The following DTNA variants were observed in gnomAD, a reference collection of about 807,000 sequenced individuals.
The protein encoded by DTNA is dystrobrevin alpha.
Under a neutral mutation model 100.7 loss-of-function variants are expected in DTNA, and 43 were observed. That is an observed-to-expected ratio of 0.43 (90% CI 0.33 to 0.55). DTNA has a LOEUF of 0.55. DTNA is among the 20% of genes least tolerant of loss of function. The probability of loss-of-function intolerance (pLI) is 0.04; values close to 1 mark genes in which losing one functional copy is unlikely to be tolerated. For synonymous variants in DTNA, 349 were observed against 347.9 expected (o/e 1.00, Z -0.04); for missense variants, 798 against 953.9 (o/e 0.84, Z 2.15).
chr18:34,606,564 G>A (rs1356355636), intron 1 of DTNA, among the ~76,000 whole-genome samples: 1 of 152,150 alleles, frequency 6.6e-6, no homozygotes, highest in Non-Finnish European at 1.5e-5. Flanking sequence ...CCAAGTCCCT[G>A]CCTTTGAGGA....
intron 2 of DTNA, among the ~76,000 whole-genome samples, chr18:34,765,707 T>G (rs1390720738): frequency 2.0e-5 from 3 of 152,244 alleles, no homozygotes; most frequent in African/African-American, 7.2e-5. Context: ...GATGACATTG[T>G]GTTTCTTGAT....
intron 1 of DTNA, among the ~76,000 whole-genome samples, chr18:34,682,746 T>TA (rs1487394007): frequency 6.6e-6 from 1 of 152,160 alleles, no homozygotes; most frequent in Non-Finnish European, 1.5e-5. Flanking sequence ...ATATTATGGC[T>TA]AATAATCCTT....
intron 1 of DTNA, among the ~76,000 whole-genome samples, chr18:34,499,336 A>G (rs1601130428): frequency 6.6e-6 from 1 of 152,182 alleles, no homozygotes; most frequent in Admixed American, 6.5e-5. Context: ...TTATTGCTGA[A>G]TAGTATTTTG....
chr18:34,667,826 C>T (rs1226875599), intron 1 of DTNA, among the ~76,000 whole-genome samples: 1 of 152,074 alleles, frequency 6.6e-6, no homozygotes, highest in African/African-American at 2.4e-5. Flanking sequence ...TTTGGTTTGC[C>T]AGTATTTTAT....
intron 3 of DTNA, chr18:34,767,626 A>C (rs2148516797): frequency 6.6e-6 from 1 of 152,332 alleles, no homozygotes; most frequent in South Asian, 2.1e-4. Flanking sequence ...CAGAGTCTCA[A>C]GATGGTGCAG....
At chr18:34,850,238 T>G (rs2096456242) in intron 14 of DTNA, among the ~76,000 whole-genome samples, 2 of 152,200 alleles carry the variant, frequency 1.3e-5, no homozygotes, top group South Asian at 4.1e-4. Flanking sequence ...TCCTGATCAA[T>G]TAATATACAT....
chr18:34,867,733 G>C (rs1457522549), intron 17 of DTNA: 20 of 985,416 alleles, frequency 2.0e-5, no homozygotes, highest in Middle Eastern at 5.2e-4. Context: ...GGCTCCTATG[G>C]ACCAGGAAGT....
At chr18:34,623,408 C>G (rs530261108) in intron 1 of DTNA, among the ~76,000 whole-genome samples, 2 of 152,118 alleles carry the variant, frequency 1.3e-5, no homozygotes, top group Non-Finnish European at 2.9e-5. Context: ...ATAGAAGTAC[C>G]TTTTCTAATA....
chr18:34,514,070 A>G (rs2041352852), intron 1 of DTNA: 3 of 152,062 alleles, frequency 2.0e-5, no homozygotes, highest in South Asian at 2.1e-4. Flanking sequence ...GTCAGAATTC[A>G]CTCCACAGTG....
At chr18:34,753,371 T>A (rs112305426) in intron 1 of DTNA, among the ~76,000 whole-genome samples, 4,263 of 101,014 alleles carry the variant, frequency 0.042, 149 homozygotes, top group Non-Finnish European at 0.06. Context: ...ATTTTATTTT[T>A]TTTTTTTTTT....
At chr18:34,671,739 C>G (rs190155683) in intron 1 of DTNA, among the ~76,000 whole-genome samples, 16 of 152,048 alleles carry the variant, frequency 1.1e-4, no homozygotes, top group Admixed American at 7.2e-4. Context: ...AGGTTTTATC[C>G]TTTCTTCCTT....
chr18:34,767,612 TC>T (rs1339864303), intron 3 of DTNA: 1 of 152,188 alleles, frequency 6.6e-6, no homozygotes, highest in African/African-American at 2.4e-5. Context: ...AGTGGGACTC[TC>T]TGCAGAGTCT....
intron 1 of DTNA, among the ~76,000 whole-genome samples, chr18:34,665,431 T>A (rs2075780557): frequency 6.6e-6 from 1 of 152,272 alleles, no homozygotes; most frequent in African/African-American, 2.4e-5. Flanking sequence ...ATATATATAT[T>A]TTTTATTACA....
At chr18:34,887,737 A>C in intron 22 of DTNA, 29 bp from the exon 23 acceptor site, 3 of 985,058 alleles carry the variant, frequency 3.0e-6, no homozygotes, top group Non-Finnish European at 3.6e-6. Context: ...TTGCATCTTT[A>C]AAAAAAATTA....
In DTNA at chr18:34,882,157, A is replaced by T. The variant is rs1273298767; in HGVS notation, c.2251A>T (p.Met751Leu). 2.5e-6 allele frequency: 4 copies of T among 1,613,936 alleles called. No homozygotes were observed. The African/African-American group carries it at 5.3e-5, about 22-fold the overall frequency. ...SVRQLENELQ[M>L]EEYLKQKLQD... ...CCGGCAGCTGGAGAATGAGCTCCAG[A>T]TGGAGGAATACCTGAAACAGAAGCT... is the stretch of plus-strand genomic sequence containing the variant. The change falls in exon 21 of 23, where the codon ATG (methionine) becomes TTG (leucine). Residue 751 changes from methionine (M) to leucine (L), a missense_variant. Around this residue, in one of 6 missense-constraint regions of DTNA, gnomAD observed 242 missense variants for 238.2 expected, o/e 1.02. Transcript: ENST00000444659.
At chr18:34,793,889 A>G in intron 3 of DTNA, 148 bp from the exon 4 acceptor site, 1 of 763,142 alleles carries the variant, frequency 1.3e-6, no homozygotes, top group Non-Finnish European at 2.2e-6. Flanking sequence ...GATAATGCAC[A>G]GCCTATGTTC....
intron 1 of DTNA, among the ~76,000 whole-genome samples, chr18:34,749,946 G>GA (rs2092145664): frequency 6.6e-6 from 1 of 152,094 alleles, no homozygotes; most frequent in South Asian, 2.1e-4. Context: ...AACAGAAATG[G>GA]AAACAGGCAT....
At chr18:34,595,534 T>G (rs1420302597) in intron 1 of DTNA, among the ~76,000 whole-genome samples, 1 of 152,240 alleles carries the variant, frequency 6.6e-6, no homozygotes, top group Non-Finnish European at 1.5e-5. Context: ...TATAAAATTG[T>G]CAATCTTAGC....
chr18:34,577,002 C>T (rs188948374), intron 1 of DTNA, among the ~76,000 whole-genome samples: 3 of 152,262 alleles, frequency 2.0e-5, no homozygotes, highest in Non-Finnish European at 2.9e-5. Flanking sequence ...CCAAAACACA[C>T]CCCACCCCAG....
Sources: gnomAD v4.1 joint callset for allele counts (sites outside exome capture counted in the v4.1 genomes callset) on GRCh38, gnomAD v4.1.1 for gene constraint, gnomAD v4.1.1 regional missense constraint, MANE v1.5 for transcripts, NCBI Gene and HGNC (gene_info 2026-07-23, HGNC 2026-07-21) for gene names.